CACNA1B: variants seen among roughly 807,000 people sequenced by gnomAD.
CACNA1B encodes the protein calcium voltage-gated channel subunit alpha1 B.
In CACNA1B, 70 loss-of-function variants were observed where a neutral mutation model predicts 247.2. The ratio of observed to expected loss-of-function variants is 0.28; its 90% confidence interval spans 0.23 to 0.35. CACNA1B has a LOEUF of 0.35. Ranked by LOEUF, CACNA1B falls within the 10% of genes least tolerant of loss-of-function variation. The pLI, the probability that CACNA1B is intolerant of heterozygous loss-of-function variation, is 1.00. For missense variants in CACNA1B, 2,367 were observed against 3,197.4 expected (o/e 0.74, Z 6.26); for synonymous variants, 1,231 against 1,294.4 (o/e 0.95, Z 1.05).
At chr9:138,029,957 A>G (rs867880746) in intron 20 of CACNA1B, among the ~76,000 whole-genome samples, 6 of 152,076 alleles carry the variant, frequency 3.9e-5, no homozygotes, top group Non-Finnish European at 7.4e-5. Flanking sequence ...ATTTTGGCTT[A>G]TATTTGTGCT....
At chr9:138,076,439 A>G (rs2131317245) in intron 35 of CACNA1B, among the ~76,000 whole-genome samples, 1 of 152,148 alleles carries the variant, frequency 6.6e-6, no homozygotes, top group South Asian at 2.1e-4. Flanking sequence ...ACACACCTTT[A>G]TTTTCCACCA....
Position 137,913,332 on chromosome 9 carries a change from A to G in CACNA1B, c.622+61A>G. The G allele has an allele frequency of 7.8e-7, 1 of 1,273,964 alleles. No individual in the cohort carries two copies. The highest frequency in any genetic ancestry group is 1.1e-6 in the Non-Finnish European group (1 of 880,112). 78.9% of individuals were successfully genotyped at this position (1,273,964 alleles called of 1,614,324 possible). On this transcript the variant is annotated intron_variant, in intron 4 of 46. Transcript: ENST00000371372. The surrounding 1 kb of genome is among the most constrained non-coding windows in gnomAD (Gnocchi z 5.2). ...AGTAACAACCTCCTCTCCTACCCTC[A>G]CCACGGACATGGCCATGGCCATGGT... is the stretch of plus-strand genomic sequence containing the variant.
At chr9:138,074,773 G>A (rs990868429) in intron 34 of CACNA1B, among the ~76,000 whole-genome samples, 3 of 152,244 alleles carry the variant, frequency 2.0e-5, no homozygotes, top group African/African-American at 7.2e-5. Flanking sequence ...TGTGGTGGAG[G>A]CGCGTTGGAG....
At position 138,052,881 on chromosome 9, in the gene CACNA1B, G is replaced by A. The variant is rs983823943; in HGVS notation, c.3807+693G>A. 1.6e-4 allele frequency among the ~76,000 whole-genome samples: 24 copies of A among 152,340 alleles called. No homozygotes were observed. Among genetic ancestry groups the A allele is most frequent in the African/African-American group, 5.5e-4 (23 of 41,584 alleles). ...TGGCGCTGTGCAGTGGTCATCCACA[G>A]TGTGCCAGGCTGCTTTGTGGGAGAC... On this transcript the variant is annotated intron_variant, in intron 25 of 46. Transcript: ENST00000371372. The surrounding 1 kb of genome is among the most constrained non-coding windows in gnomAD (Gnocchi z 5.1).
At chr9:137,978,051 T>C (rs1483349109) in intron 12 of CACNA1B, among the ~76,000 whole-genome samples, 71 of 56,300 alleles carry the variant, frequency 1.3e-3, no homozygotes, top group Non-Finnish European at 1.5e-3. Context: ...AGCACTACCC[T>C]CCCCCCCAGG....
At chr9:138,093,881 A>G (rs11137369) in intron 36 of CACNA1B, among the ~76,000 whole-genome samples, 6,036 of 152,286 alleles carry the variant, frequency 0.04, 357 homozygotes, top group African/African-American at 0.13. Context: ...AAATAGTAGT[A>G]AAAGTGAATT....
chr9:138,120,259 C>T lies in CACNA1B; in HGVS notation c.6125C>T (p.Pro2042Leu), dbSNP rs1398101984. ...THLCSTTPDR[P>L]PPSQASSHHH... ...CTTTGCAGCACCACCCCGGACCGCC[C>T]ACCCCCTAGCCAGGCGTCGTCGCAC... The change falls in exon 45 of 47, where the codon CCA becomes CTA. Residue 2042 changes from proline to leucine, a missense_variant. Around this residue, in one of 12 missense-constraint regions of CACNA1B, gnomAD observed 773 missense variants for 779.4 expected, o/e 0.99. Coordinates refer to ENST00000371372, the MANE Select transcript of CACNA1B (RefSeq NM_000718.4). 2 of 1,600,288 alleles carry T rather than the reference C, an allele frequency of 1.2e-6. No individual in the cohort carries two copies. The highest frequency in any genetic ancestry group is 1.7e-5 in the Admixed American group (1 of 59,000).
Position 138,105,735 on chromosome 9 carries a change from G to T in CACNA1B, c.5356G>T (p.Asp1786Tyr). 6.4e-7 allele frequency: 1 copy of T among 1,565,972 alleles called. No homozygotes were observed. Residue 1786 changes from aspartate to tyrosine, a missense_variant, in exon 39 of 47, where the codon GAC becomes TAC. Transcript: ENST00000371372. ...VRMNMPISNE[D>Y]MTVHFTSTLM... ...CATGAACATGCCCATCTCCAACGAG[G>T]ACATGACTGTTCACTTCACGTCCAC...
chr9:137,956,892 C>T (rs113642287), intron 9 of CACNA1B, 65 bp downstream of exon 9: 14,756 of 1,337,872 alleles, frequency 0.011, 116 homozygotes, highest in South Asian at 0.014. Flanking sequence ...GGTGGTGACA[C>T]GTGCCTGCTT....
Position 138,073,553 on chromosome 9 carries a change from C to A in CACNA1B, c.4740C>A (p.Arg1580=). ...CTGCGCGGCTGATCAAGCTGCTCCG[C>A]CAGGGCTACACCATCCGCATCCTGC... The part of the protein sequence containing the change: ...FRAARLIKLL[R]QGYTIRILLW... The change falls in exon 33 of 47, where the codon CGC becomes CGA. Residue 1580 remains arginine, a synonymous_variant. Coordinates refer to ENST00000371372, the MANE Select transcript of CACNA1B (RefSeq NM_000718.4). The surrounding 1 kb of genome is among the most constrained non-coding windows in gnomAD (Gnocchi z 6.4). 2 of 1,613,474 alleles carry A rather than the reference C, an allele frequency of 1.2e-6. No homozygotes were observed. Among genetic ancestry groups the A allele is most frequent in the Non-Finnish European group, 1.7e-6 (2 of 1,179,480 alleles).
rs910464670 is a variant in CACNA1B at position 137,882,056 on chromosome 9, C to T, written c.391-688C>T. On this transcript the variant is annotated intron_variant, in intron 2 of 46. Coordinates refer to ENST00000371372, the MANE Select transcript of CACNA1B (RefSeq NM_000718.4). The surrounding 1 kb of genome is among the most constrained non-coding windows in gnomAD (Gnocchi z 4.0). ...CCAGGGTCCTCACAGATGTGGCGGT[C>T]GTCGCTCAGCACACTCAGGGCTGAG... 5.3e-5 allele frequency among the ~76,000 whole-genome samples: 8 copies of T among 152,132 alleles called. No individual in the cohort carries two copies. Among genetic ancestry groups the T allele is most frequent in the Admixed American group, 6.5e-5 (1 of 15,270 alleles).
chr9:137,883,589 G>A (rs541774392), intron 3 of CACNA1B, among the ~76,000 whole-genome samples: 1 of 150,262 alleles, frequency 6.7e-6, no homozygotes, highest in African/African-American at 2.4e-5. Flanking sequence ...AGTGGGCACT[G>A]TGAGGTCCCC....
intron 15 of CACNA1B, among the ~76,000 whole-genome samples, chr9:137,996,645 A>G (rs1421183229): frequency 1.3e-5 from 2 of 152,220 alleles, no homozygotes; most frequent in Non-Finnish European, 2.9e-5. Context: ...CCCAAAATCT[A>G]TCGAAATAAA....
intron 20 of CACNA1B, among the ~76,000 whole-genome samples, chr9:138,035,261 C>T (rs1197314351): frequency 6.6e-6 from 1 of 152,192 alleles, no homozygotes; most frequent in African/African-American, 2.4e-5. Context: ...AAGTTTGAGA[C>T]CAGCCTGGCC....
chr9:138,022,382 C>G (rs1389522161), intron 18 of CACNA1B, among the ~76,000 whole-genome samples: 1 of 152,174 alleles, frequency 6.6e-6, no homozygotes, highest in Admixed American at 6.5e-5. Context: ...TCTGCGTTTG[C>G]TCCTGAAAGG....
rs370924626 is a variant in CACNA1B, at chr9:138,087,663, C to T, written c.5095-8821C>T. ...CCAGGAGGCGGAGGTTGCAGTGAGC[C>T]GAGATCATACCACTGCACTCCAGCC... is the stretch of plus-strand genomic sequence containing the variant. On this transcript the variant is annotated intron_variant, in intron 36 of 46. Transcript: ENST00000371372. Among the ~76,000 whole-genome samples the T allele has an allele frequency of 2.0e-4, 25 of 127,686 alleles. No homozygotes were observed. In the East Asian group the frequency reaches 2.0e-3, roughly 10 times the overall value. The allele number at this position is 127,686 out of a possible 152,430, so 83.8% of individuals were successfully genotyped here. A position where few individuals can be genotyped will look rare whatever the true frequency, so the allele number is the denominator to read the frequency against.
At chr9:138,048,704 T>C (rs1959205143) in intron 23 of CACNA1B, among the ~76,000 whole-genome samples, 1 of 152,176 alleles carries the variant, frequency 6.6e-6, no homozygotes, top group African/African-American at 2.4e-5. Flanking sequence ...GCTCTGCCTA[T>C]CTTTCTAGGT....
Position 137,957,682 on chromosome 9 carries a change from C to T in CACNA1B, c.1328C>T (p.Ala443Val). The T allele has an allele frequency of 6.3e-7, 1 of 1,592,226 alleles. No homozygotes were observed. Among genetic ancestry groups the T allele is most frequent in the South Asian group, 1.2e-5 (1 of 86,812 alleles). The change falls in exon 10 of 47, where the codon GCT (alanine) becomes GTT (valine). Residue 443 changes from alanine (A) to valine (V), a missense_variant. This residue lies in a region of CACNA1B where 219 missense variants were observed against 297.6 expected (regional missense o/e 0.74). Transcript: ENST00000371372. This position sits in a 1 kb window ranked among gnomAD's most constrained non-coding sequence, Gnocchi z 4.7. ...GAGGACCGGTTTGCAGATCTCTGTG[C>T]TGTTGGTGAGTCTCAGGGTGTCCCT... ...EGEDRFADLC[A>V]VGSPFARASL...
intron 3 of CACNA1B, chr9:137,890,399 C>A (rs1957081403): frequency 6.7e-6 from 1 of 149,668 alleles, no homozygotes; most frequent in African/African-American, 2.4e-5. Flanking sequence ...GAAGGACTTT[C>A]ATCATTCATG....
Sources: allele counts gnomAD v4.1 joint callset (sites outside exome capture counted in the v4.1 genomes callset), GRCh38; gene constraint gnomAD v4.1.1; regional missense constraint gnomAD v4.1.1; non-coding constraint Gnocchi (gnomAD v3.1); transcripts MANE v1.5; gene names NCBI Gene and HGNC (gene_info 2026-07-23, HGNC 2026-07-21).